Variants in C4orf50 observed in about 807,000 individuals in gnomAD.
The protein encoded by C4orf50 is uncharacterized protein C4orf50.
A neutral mutation model predicts 77.2 loss-of-function variants in C4orf50; 80 were observed. The observed-to-expected ratio is 1.04, with a 90% CI of 0.87 to 1.25. The LOEUF (loss-of-function observed/expected upper bound fraction) is 1.25, where lower values mean the gene tolerates loss of function less well. Among genes scored for constraint, C4orf50 ranks in the 50% most tolerant of loss-of-function variants. The pLI is 0.00. For missense variants in C4orf50, 1,257 were observed against 1,152.9 expected (o/e 1.09, Z -1.31); for synonymous variants, 532 against 465.3 (o/e 1.14, Z -1.84).
intron 31 of C4orf50, 120 bp from the exon 10 acceptor site, chr4:5,967,582 T>G: frequency 1.2e-6 from 1 of 813,794 alleles, no homozygotes; most frequent in Non-Finnish European, 2.1e-6. Flanking sequence ...CCGCTTTCTG[T>G]GTAGGACCAA....
Position 5,907,026 on chromosome 4 carries a change from C to T in C4orf50, c.*2475-8838G>A, listed in dbSNP as rs375139798. ...TGGAAATCTGTGTTTCCAATGAGTT[C>T]CATGCTATGCTCATGCATTAAGCTG... On this transcript the variant is annotated intron_variant, in intron 7 of 7. Coordinates refer to the C4orf50 transcript ENST00000324058. Among the ~76,000 whole-genome samples, 4 of 152,138 alleles carry T rather than the reference C, an allele frequency of 2.6e-5. No individual in the cohort carries two copies. The East Asian group carries it at 5.8e-4, about 22-fold the overall frequency.
chr4:5,918,419 C>T (rs967165761), intron 7 of C4orf50, among the ~76,000 whole-genome samples: 1 of 152,152 alleles, frequency 6.6e-6, no homozygotes, highest in African/African-American at 2.4e-5. Flanking sequence ...TGGTCCACAC[C>T]GTCACCTTTG....
At chr4:5,963,979 G>C (rs528370428) in intron 33 of C4orf50, among the ~76,000 whole-genome samples, 1 of 152,178 alleles carries the variant, frequency 6.6e-6, no homozygotes, top group Admixed American at 6.5e-5. Context: ...TGACTGATTA[G>C]GGTCTTTAGG....
At chr4:5,913,202 C>A (rs1255672804) in intron 7 of C4orf50, among the ~76,000 whole-genome samples, 1 of 152,206 alleles carries the variant, frequency 6.6e-6, no homozygotes, top group Non-Finnish European at 1.5e-5. Flanking sequence ...AGGATGACAA[C>A]GCCTACCTTA....
At chr4:5,973,703 G>A in exon 31 of C4orf50, 1 of 1,614,006 alleles carries the variant, frequency 6.2e-7, no homozygotes, top group South Asian at 1.1e-5. Context: ...TACTCAGCCA[G>A]TGCCACGTCG....
chr4:5,930,547 C>T (rs1335738846), intron 7 of C4orf50, among the ~76,000 whole-genome samples: 1 of 152,192 alleles, frequency 6.6e-6, no homozygotes, highest in Non-Finnish European at 1.5e-5. Context: ...ACAGTTTTAA[C>T]AACTTTAATC....
intron 7 of C4orf50, among the ~76,000 whole-genome samples, chr4:5,950,858 A>G (rs778801722): frequency 2.0e-5 from 3 of 152,250 alleles, no homozygotes; most frequent in Non-Finnish European, 2.9e-5. Context: ...ATCAGTAAGC[A>G]TTGATCATGG....
rs1346820922 is a variant in C4orf50 at position 5,965,014 on chromosome 4, G to A, written c.4275+10C>T. ...TCATTTAGGAAATGAGGTGACAGGT[G>A]CCTTCTCACCTTCAGAGAATCCAGT... On this transcript the variant is annotated intron_variant, in intron 33 of 33. Coordinates refer to ENST00000531445, the Ensembl canonical transcript of C4orf50. 6.2e-7 allele frequency: 1 copy of A among 1,607,136 alleles called. No homozygotes were observed. Among genetic ancestry groups the A allele is most frequent in the Non-Finnish European group, 8.5e-7 (1 of 1,176,920 alleles).
Position 5,992,989 on chromosome 4 carries a change from C to T in C4orf50, c.1094-59G>A, listed in dbSNP as rs149634830. On this transcript the variant is annotated intron_variant, in intron 26 of 33. Transcript: ENST00000531445. The surrounding 1 kb of genome is among the most constrained non-coding windows in gnomAD (Gnocchi z 5.0). ...ATGCTCCCAGGGGCTCTGCCATGAT[C>T]GCCTCTAGGGACCACGTCCCCCAGG... 1,966 of 398,312 alleles carry T rather than the reference C, an allele frequency of 4.9e-3. 9 individuals carry two copies. Among genetic ancestry groups the T allele is most frequent in the Non-Finnish European group, 7.3e-3 (1,642 of 225,886 alleles). The allele number at this position is 398,312 out of a possible 1,614,324, so 24.7% of individuals were successfully genotyped here.
At chr4:5,990,368 C>T in exon 28 of C4orf50, 1 of 476,752 alleles carries the variant, frequency 2.1e-6, no homozygotes. Context: ...TTCCCCTCTT[C>T]AGTTCTCCCC....
chr4:5,920,289 A>T (rs930529570), intron 7 of C4orf50, among the ~76,000 whole-genome samples: 1 of 152,100 alleles, frequency 6.6e-6, no homozygotes, highest in Non-Finnish European at 1.5e-5. Flanking sequence ...TAGCTGTGAG[A>T]TCTGTTTTTA....
At chr4:5,910,885 A>G (rs1003844750) in intron 7 of C4orf50, among the ~76,000 whole-genome samples, 2 of 150,012 alleles carry the variant, frequency 1.3e-5, no homozygotes, top group Non-Finnish European at 3.0e-5. Flanking sequence ...CATCAGAGCC[A>G]ATGGGTTTCT....
Position 5,999,511 on chromosome 4 carries a change from A to G in C4orf50, c.964-5035T>C, listed in dbSNP as rs369885474. 3.9e-5 allele frequency among the ~76,000 whole-genome samples: 6 copies of G among 152,222 alleles called. No individual in the cohort carries two copies. In the East Asian group the frequency reaches 5.8e-4, roughly 15 times the overall value. On this transcript the variant is annotated intron_variant, in intron 25 of 33. Transcript: ENST00000531445. Reference sequence around the variant, plus strand: ...CCCTCCCCACCATTTCCCCATTTCTATGCCTCACTTCCCAGCATTGCCACT... The same window carrying G: ...CCCTCCCCACCATTTCCCCATTTCTGTGCCTCACTTCCCAGCATTGCCACT...
chr4:5,917,786 T>G (rs1172017963), intron 7 of C4orf50, among the ~76,000 whole-genome samples: 2 of 152,120 alleles, frequency 1.3e-5, no homozygotes, highest in Non-Finnish European at 2.9e-5. Flanking sequence ...AGGCATTTAA[T>G]TATCAAGCAC....
At chr4:5,989,340 A>T in exon 28 of C4orf50, 2 of 1,536,010 alleles carry the variant, frequency 1.3e-6, no homozygotes, top group Non-Finnish European at 1.7e-6. Context: ...GGCTGGCTTC[A>T]TCCCAATGAG....
chr4:5,931,803 T>C (rs941577917), intron 7 of C4orf50, among the ~76,000 whole-genome samples: 2 of 152,088 alleles, frequency 1.3e-5, no homozygotes. Context: ...GGCTCTCCTT[T>C]AGGCTTTGAC....
chr4:5,988,323 A>G, intron 28 of C4orf50, 24 bp downstream of exon 6: 1 of 1,607,226 alleles, frequency 6.2e-7, no homozygotes, highest in Non-Finnish European at 8.5e-7. Context: ...GTGATGAGTA[A>G]GCAGATATGC....
intron 30 of C4orf50, among the ~76,000 whole-genome samples, chr4:5,975,167 A>C (rs1195965550): frequency 4.3e-4 from 60 of 138,504 alleles, no homozygotes; most frequent in African/African-American, 1.6e-3. Flanking sequence ...AAAAAAAAAA[A>C]AAAAAAAAAA....
chr4:5,934,493 C>T (rs552793688), intron 7 of C4orf50, among the ~76,000 whole-genome samples: 431 of 152,280 alleles, frequency 2.8e-3, no homozygotes, highest in African/African-American at 9.1e-3. Flanking sequence ...AGTCCTCTGC[C>T]GTCTGGCCCC....
Sources: gnomAD v4.1 joint callset for allele counts (sites outside exome capture counted in the v4.1 genomes callset) on GRCh38, gnomAD v4.1.1 for gene constraint, Gnocchi (gnomAD v3.1) non-coding constraint, MANE v1.5 for transcripts, NCBI Gene and HGNC (gene_info 2026-07-23, HGNC 2026-07-21) for gene names.